MACROD2: variants seen among roughly 807,000 people sequenced by gnomAD.
MACROD2 encodes mono-ADP ribosylhydrolase 2.
MACROD2 carries 36 observed loss-of-function variants against 70.4 expected under a neutral mutation model. That is an observed-to-expected ratio of 0.51 (90% CI 0.39 to 0.68). The LOEUF (loss-of-function observed/expected upper bound fraction) is 0.68. MACROD2 is among the 30% of genes least tolerant of loss of function. MACROD2 has a pLI of 0.00. For synonymous variants in MACROD2, 172 were observed against 178.8 expected (o/e 0.96, Z 0.30); for missense variants, 496 against 538.4 (o/e 0.92, Z 0.78).
chr20:14,114,898 C>T (rs2148687785), intron 3 of MACROD2, among the ~76,000 whole-genome samples: 1 of 152,240 alleles, frequency 6.6e-6, no homozygotes, highest in Middle Eastern at 3.4e-3. Flanking sequence ...TCTAGAGGGG[C>T]TCAGTGTTGG....
rs575388617 is a variant in MACROD2 at position 15,768,732 on chromosome 20, G to C, written c.646-94013G>C. 2.8e-4 allele frequency among the ~76,000 whole-genome samples: 43 copies of C among 152,132 alleles called. 1 individual carries two copies. Among genetic ancestry groups the C allele is most frequent in the Non-Finnish European group, 6.0e-4 (41 of 67,996 alleles). On this transcript the variant is annotated intron_variant, in intron 8 of 17. Coordinates refer to ENST00000684519, the MANE Select transcript of MACROD2 (RefSeq NM_001351661.2). ...ATACAATTTAAAACACAAACACATT[G>C]TACAGCTATACAAAAATATTTTATT...
intron 3 of MACROD2, among the ~76,000 whole-genome samples, chr20:14,282,221 A>C (rs995949479): frequency 2.0e-5 from 3 of 152,198 alleles, no homozygotes; most frequent in Non-Finnish European, 2.9e-5. Flanking sequence ...TATCGTAATA[A>C]ATTATTCAGA....
chr20:14,701,997 T>A (rs2071201931), intron 5 of MACROD2, among the ~76,000 whole-genome samples: 1 of 152,152 alleles, frequency 6.6e-6, no homozygotes, highest in East Asian at 1.9e-4. Context: ...ACTCAGGCAG[T>A]CTCTCTCTAT....
intron 15 of MACROD2, among the ~76,000 whole-genome samples, chr20:15,990,756 G>A (rs1304548286): frequency 6.6e-6 from 1 of 152,198 alleles, no homozygotes; most frequent in Non-Finnish European, 1.5e-5. Context: ...TTGAGACATA[G>A]TGTACAGACA....
Position 14,066,956 on chromosome 20 carries a change from C to T in MACROD2, c.164-18665C>T, listed in dbSNP as rs544134141. 3.1e-4 allele frequency among the ~76,000 whole-genome samples: 45 copies of T among 145,828 alleles called. No homozygotes were observed. In the South Asian group the frequency reaches 4.2e-3, roughly 14 times the overall value. ...CCTCCCGAGTAGCTGGGACTACAGGCGCCCACCACCACGCCCGGCTAAGTT... is the reference window on the plus strand; with the variant it reads ...CCTCCCGAGTAGCTGGGACTACAGGTGCCCACCACCACGCCCGGCTAAGTT... On this transcript the variant is annotated intron_variant, in intron 2 of 17. Transcript: ENST00000684519.
intron 3 of MACROD2, among the ~76,000 whole-genome samples, chr20:14,197,921 T>C (rs941276797): frequency 6.6e-6 from 1 of 152,216 alleles, no homozygotes. Flanking sequence ...CGATCTTAGA[T>C]GTAAATCAAA....
At chr20:15,910,394 A>ATGTG (rs3072220) in intron 10 of MACROD2, among the ~76,000 whole-genome samples, 5,142 of 146,378 alleles carry the variant, frequency 0.035, 180 homozygotes, top group African/African-American at 0.097. Flanking sequence ...GTCAGAGGAC[A>ATGTG]TGTGTGTGTG....
At chr20:15,565,409 T>A (rs2048297259) in intron 8 of MACROD2, among the ~76,000 whole-genome samples, 2 of 152,228 alleles carry the variant, frequency 1.3e-5, no homozygotes, top group African/African-American at 2.4e-5. Context: ...CTTCACAGAA[T>A]TTTCTTATCT....
At chr20:15,619,215 G>A (rs1365494239) in intron 8 of MACROD2, among the ~76,000 whole-genome samples, 1 of 152,142 alleles carries the variant, frequency 6.6e-6, no homozygotes, top group East Asian at 1.9e-4. Context: ...GTCCTACAAA[G>A]GCATTCCAGT....
At chr20:14,013,273 C>CTTTTT (rs770856375) in intron 2 of MACROD2, among the ~76,000 whole-genome samples, 3 of 128,726 alleles carry the variant, frequency 2.3e-5, no homozygotes, top group Non-Finnish European at 5.0e-5. Flanking sequence ...ACTGTACTTT[C>CTTTTT]TTTTTTTTTT....
At chr20:14,142,921 G>A (rs1170293583) in intron 3 of MACROD2, among the ~76,000 whole-genome samples, 4 of 152,152 alleles carry the variant, frequency 2.6e-5, no homozygotes, top group African/African-American at 9.7e-5. Context: ...TATGAAAAGA[G>A]CATAGATTGA....
chr20:15,477,077 C>G (rs538966690), intron 7 of MACROD2, among the ~76,000 whole-genome samples: 1 of 150,312 alleles, frequency 6.7e-6, no homozygotes, highest in East Asian at 2.0e-4. Flanking sequence ...CTCCCCTTTT[C>G]CATTCCTTTT....
intron 5 of MACROD2, among the ~76,000 whole-genome samples, chr20:14,946,619 A>C (rs2074434717): frequency 6.6e-6 from 1 of 152,110 alleles, no homozygotes; most frequent in South Asian, 2.1e-4. Context: ...TTGTATGCTG[A>C]AATAAAAATA....
At chr20:15,910,394 A>ATGTGTGTGTGTGTG (rs3072220) in intron 10 of MACROD2, among the ~76,000 whole-genome samples, 1 of 146,344 alleles carries the variant, frequency 6.8e-6, no homozygotes, top group African/African-American at 2.6e-5. Context: ...GTCAGAGGAC[A>ATGTGTGTGTGTGTG]TGTGTGTGTG....
chr20:14,874,054 G>A (rs2073520482), intron 5 of MACROD2, among the ~76,000 whole-genome samples: 1 of 152,040 alleles, frequency 6.6e-6, no homozygotes, highest in Non-Finnish European at 1.5e-5. Context: ...TGTTAGGCCA[G>A]ATAATAATAT....
intron 4 of MACROD2, among the ~76,000 whole-genome samples, chr20:14,641,341 C>T (rs368360653): frequency 1.2e-4 from 18 of 152,304 alleles, no homozygotes; most frequent in African/African-American, 4.1e-4. Context: ...GTGTTTGAAG[C>T]TGTCAAAGTC....
At chr20:15,101,524 G>C (rs2075872180) in intron 5 of MACROD2, among the ~76,000 whole-genome samples, 1 of 18,242 alleles carries the variant, frequency 5.5e-5, no homozygotes, top group Non-Finnish European at 8.6e-5. Context: ...AGATAACCCA[G>C]GTGTTGGTTC....
intron 4 of MACROD2, among the ~76,000 whole-genome samples, chr20:14,602,570 G>A (rs1982567410): frequency 6.6e-6 from 1 of 152,300 alleles, no homozygotes; most frequent in Admixed American, 6.5e-5. Flanking sequence ...AATTGATTCT[G>A]TTTGGAACAC....
chr20:14,803,600 C>A (rs954711830), intron 5 of MACROD2, among the ~76,000 whole-genome samples: 4 of 151,996 alleles, frequency 2.6e-5, no homozygotes, highest in Non-Finnish European at 5.9e-5. Flanking sequence ...CCAGCCTCAG[C>A]CTCCCGAGTA....
Sources: gnomAD v4.1 joint callset for allele counts (sites outside exome capture counted in the v4.1 genomes callset) on GRCh38, gnomAD v4.1.1 for gene constraint, MANE v1.5 for transcripts, NCBI Gene and HGNC (gene_info 2026-07-23, HGNC 2026-07-21) for gene names.